SORCS3: variants seen among roughly 807,000 people sequenced by gnomAD.
SORCS3 encodes sortilin related VPS10 domain containing receptor 3.
In SORCS3, 57 loss-of-function variants were observed where a neutral mutation model predicts 146.3. The ratio of observed to expected loss-of-function variants is 0.39; its 90% CI spans 0.31 to 0.49. The LOEUF is 0.49. Among genes scored for constraint, SORCS3 ranks in the 20% least tolerant of loss-of-function variants. SORCS3 has a pLI of 0.92. For synonymous variants in SORCS3, 653 were observed against 618.5 expected (o/e 1.06, Z -0.83); for missense variants, 1,341 against 1,575.5 (o/e 0.85, Z 2.52).
chr10:104,688,474 G>A (rs536801551), intron 1 of SORCS3, among the ~76,000 whole-genome samples: 1 of 152,214 alleles, frequency 6.6e-6, no homozygotes, highest in East Asian at 1.9e-4. Context: ...AGCGTGGGCA[G>A]AGAGTAGCAG....
At chr10:104,916,336 C>T (rs2019027162) in intron 3 of SORCS3, among the ~76,000 whole-genome samples, 1 of 152,158 alleles carries the variant, frequency 6.6e-6, no homozygotes, top group Admixed American at 6.5e-5. Flanking sequence ...TTGAGTCTTT[C>T]CACAGCCTTC....
In SORCS3 at chr10:105,214,497, G is replaced by T; in HGVS notation, c.2431G>T (p.Ala811Ser). The T allele has an allele frequency of 1.2e-6, 2 of 1,614,166 alleles. No homozygotes were observed. Among genetic ancestry groups the T allele is most frequent in the Non-Finnish European group, 1.7e-6 (2 of 1,180,012 alleles). ...CTDGLREKYT[A>S]KAQMCPGKAP... ...AGATGGGCTAAGGGAGAAGTACACCGCCAAGGCCCAGATGTGCCCTGGAAA... is the reference window on the plus strand; with the variant it reads ...AGATGGGCTAAGGGAGAAGTACACCTCCAAGGCCCAGATGTGCCCTGGAAA... Residue 811 changes from alanine to serine, a missense_variant, in exon 18 of 27, where the codon GCC (alanine) becomes TCC (serine). Ala to Ser is a moderately conservative substitution (Grantham distance 99). Coordinates refer to ENST00000369701, the MANE Select transcript of SORCS3 (RefSeq NM_014978.3).
chr10:105,198,760 A>G (rs1038218087), intron 14 of SORCS3, among the ~76,000 whole-genome samples: 2 of 152,218 alleles, frequency 1.3e-5, no homozygotes, highest in African/African-American at 4.8e-5. Context: ...TAGTTTTACT[A>G]AAGGAGAGAT....
intron 20 of SORCS3, among the ~76,000 whole-genome samples, chr10:105,226,965 A>G (rs1161420308): frequency 6.6e-6 from 1 of 151,648 alleles, no homozygotes; most frequent in African/African-American, 2.4e-5. Flanking sequence ...TAGTCCAGCA[A>G]GTGGTTTGTT....
rs758054022 is a variant in SORCS3 at position 105,158,942 on chromosome 10, C to A, written c.1680C>A (p.Ser560=). ...TGCAACTCTCTGAAAATCCATATTC[C>A]TCAGGAAGAATCTCTAGCAAGGAGA... ...LHLQLSENPY[S]SGRISSKETA... is the part of the protein sequence containing the mutation. The change falls in exon 11 of 27, where the codon TCC becomes TCA. Residue 560 remains serine, a synonymous_variant. Transcript: ENST00000369701. 8.1e-6 allele frequency: 13 copies of A among 1,613,120 alleles called. No homozygotes were observed. In the East Asian group the frequency reaches 2.9e-4, roughly 36 times the overall value.
rs561746800 is a variant in SORCS3, at chr10:104,818,482, T to C, written c.628-24310T>C. On this transcript the variant is annotated intron_variant, in intron 1 of 26. Transcript: ENST00000369701. ...TGGGGAGGGCCCAAGGGGTGCCAGG[T>C]AGACTCGGGGAGAGGTGGATGGAGC... is the stretch of plus-strand genomic sequence containing the variant. 2.6e-5 allele frequency among the ~76,000 whole-genome samples: 4 copies of C among 151,542 alleles called. 1 individual carries two copies. The South Asian group carries it at 8.4e-4, about 32-fold the overall frequency.
At chr10:104,672,444 A>G (rs2015866068) in intron 1 of SORCS3, among the ~76,000 whole-genome samples, 1 of 151,818 alleles carries the variant, frequency 6.6e-6, no homozygotes, top group Admixed American at 6.6e-5. Context: ...GATTTTCTCT[A>G]GTGTTTTTCT....
intron 1 of SORCS3, among the ~76,000 whole-genome samples, chr10:104,701,542 A>G (rs986344099): frequency 1.3e-5 from 2 of 152,198 alleles, no homozygotes; most frequent in African/African-American, 4.8e-5. Context: ...TAGCCAAGAA[A>G]TCATTTAATG....
chr10:104,670,977 A>G (rs186590582), intron 1 of SORCS3, among the ~76,000 whole-genome samples: 76 of 152,180 alleles, frequency 5.0e-4, no homozygotes, highest in Admixed American at 2.4e-3. Flanking sequence ...TTCCTTGTTA[A>G]TGTAACGATA....
chr10:105,003,761 G>A (rs966305590), intron 4 of SORCS3, among the ~76,000 whole-genome samples: 6 of 151,970 alleles, frequency 3.9e-5, no homozygotes, highest in Non-Finnish European at 8.8e-5. Context: ...TTATTCCATG[G>A]GCTCCTTCCT....
At chr10:105,129,242 T>C (rs772102268) in intron 7 of SORCS3, among the ~76,000 whole-genome samples, 2 of 152,060 alleles carry the variant, frequency 1.3e-5, no homozygotes, top group Non-Finnish European at 2.9e-5. Context: ...TATACAAGTA[T>C]TGGACAACCA....
intron 7 of SORCS3, among the ~76,000 whole-genome samples, chr10:105,123,237 A>T (rs1379635249): frequency 6.6e-6 from 1 of 152,242 alleles, no homozygotes; most frequent in African/African-American, 2.4e-5. Context: ...AACTTAGAAC[A>T]GCATAGAAAG....
At chr10:105,233,456 T>C (rs992165648) in intron 20 of SORCS3, among the ~76,000 whole-genome samples, 4 of 152,138 alleles carry the variant, frequency 2.6e-5, no homozygotes, top group African/African-American at 4.8e-5. Flanking sequence ...GTGAAGAACA[T>C]CCAGGTTTGT....
intron 3 of SORCS3, among the ~76,000 whole-genome samples, chr10:104,949,863 A>G (rs2019410157): frequency 1.3e-5 from 2 of 152,242 alleles, no homozygotes; most frequent in African/African-American, 4.8e-5. Flanking sequence ...CACTTGGCAG[A>G]TGACTGAGAG....
At chr10:104,643,077 G>A (rs1404753097) in intron 1 of SORCS3, among the ~76,000 whole-genome samples, 3 of 152,198 alleles carry the variant, frequency 2.0e-5, no homozygotes, top group Non-Finnish European at 2.9e-5. Flanking sequence ...GCCAGATTTG[G>A]AAAATCCTTT....
At chr10:105,074,920 C>T (rs1364481619) in intron 5 of SORCS3, among the ~76,000 whole-genome samples, 5 of 152,182 alleles carry the variant, frequency 3.3e-5, no homozygotes, top group East Asian at 3.8e-4. Context: ...AATGTTACCA[C>T]AGTAATTGGC....
At chr10:104,783,200 C>T (rs962044778) in intron 1 of SORCS3, among the ~76,000 whole-genome samples, 3 of 152,158 alleles carry the variant, frequency 2.0e-5, no homozygotes, top group Non-Finnish European at 2.9e-5. Context: ...AATATTAAGA[C>T]AGGTCTGTTT....
chr10:105,223,384 T>C, intron 20 of SORCS3, 135 bp downstream of exon 20: 1 of 827,716 alleles, frequency 1.2e-6, no homozygotes, highest in Non-Finnish European at 1.8e-6. Flanking sequence ...GCCCACAAAA[T>C]TGAATAAAAC....
intron 4 of SORCS3, among the ~76,000 whole-genome samples, chr10:104,993,718 C>T (rs895002726): frequency 6.6e-6 from 1 of 152,258 alleles, no homozygotes; most frequent in Admixed American, 6.5e-5. Flanking sequence ...GATCATTACT[C>T]TTGATATAAT....
Sources: gnomAD v4.1 joint callset for allele counts (sites outside exome capture counted in the v4.1 genomes callset) on GRCh38, gnomAD v4.1.1 for gene constraint, MANE v1.5 for transcripts, NCBI Gene and HGNC (gene_info 2026-07-23, HGNC 2026-07-21) for gene names.